KIF24: variants seen among roughly 807,000 people sequenced by gnomAD.
The protein encoded by KIF24 is kinesin-like protein KIF24.
Under a neutral mutation model 118.9 loss-of-function variants are expected in KIF24, and 81 were observed. That is an observed-to-expected ratio of 0.68 (90% CI 0.57 to 0.82). The LOEUF (loss-of-function observed/expected upper bound fraction) is 0.82. Among genes scored for constraint, KIF24 ranks in the 40% least tolerant of loss-of-function variants. The probability of loss-of-function intolerance (pLI) is 0.00; values close to 1 mark genes in which losing one functional copy is unlikely to be tolerated. For missense variants in KIF24, 1,560 were observed against 1,661.6 expected, an observed-to-expected ratio of 0.94 and a Z score of 1.06; for synonymous variants, 599 against 610.0, an observed-to-expected ratio of 0.98 and a Z score of 0.27.
rs756082365 is a variant in KIF24 at position 34,259,748 on chromosome 9, C to T, written c.1516-43G>A. On this transcript the variant is annotated intron_variant, in intron 9 of 12. Coordinates refer to ENST00000402558, the MANE Select transcript of KIF24 (RefSeq NM_194313.4). Reference sequence around the variant, plus strand: ...CAGGTCAATGAGTGAAGTCAATTAACAAAGTGCATACTGACTACTTACTAG... The same window carrying T: ...CAGGTCAATGAGTGAAGTCAATTAATAAAGTGCATACTGACTACTTACTAG... 1.3e-5 allele frequency: 16 copies of T among 1,272,550 alleles called. 1 individual carries two copies. The African/African-American group carries it at 2.3e-4, about 19-fold the overall frequency. The allele number at this position is 1,272,550 out of a possible 1,614,324, so 78.8% of individuals were successfully genotyped here. A position where few individuals can be genotyped will look rare whatever the true frequency, so the allele number is the denominator to read the frequency against.
intron 6 of KIF24, among the ~76,000 whole-genome samples, chr9:34,272,798 A>T (rs949267745): frequency 6.6e-6 from 1 of 152,232 alleles, no homozygotes. Context: ...AATTTTAAAA[A>T]TTTTTTGTAG....
chr9:34,285,760 G>A (rs975373993), intron 6 of KIF24, among the ~76,000 whole-genome samples: 15 of 142,330 alleles, frequency 1.1e-4, no homozygotes, highest in Non-Finnish European at 1.1e-4. Context: ...AGGTGACAAA[G>A]TGAGACTCCA....
chr9:34,327,854 A>AAAT (rs1341561171), intron 1 of KIF24, among the ~76,000 whole-genome samples: 1 of 151,822 alleles, frequency 6.6e-6, no homozygotes, highest in African/African-American at 2.4e-5. Flanking sequence ...AAAAATAATA[A>AAAT]TAATAATAAA....
chr9:34,284,157 A>G (rs1353007277), intron 6 of KIF24, among the ~76,000 whole-genome samples: 1 of 151,876 alleles, frequency 6.6e-6, no homozygotes, highest in East Asian at 1.9e-4. Context: ...GGTCCCAGCT[A>G]CTTGGGAAGC....
Position 34,256,305 on chromosome 9 carries a change from GC to G in KIF24, c.3301del (p.Ala1101GlnfsTer50). On this transcript the variant is annotated frameshift_variant, in exon 11 of 13. Transcript: ENST00000402558. LOFTEE classifies it high-confidence loss of function. ...AGTTGCTGAAGACACTGGCAAGGCT[GC>G]CTCTTGATCACCAGATGGCACTGTG... Reference protein sequence around the residue: ...SHTVPSGDQEAALPVSSATRH... With the variant: ...SHTVPSGDQEXALPVSSATRH... 3.1e-6 allele frequency: 5 copies of G among 1,612,778 alleles called. No individual in the cohort carries two copies. The highest frequency in any genetic ancestry group is 4.2e-6 in the Non-Finnish European group (5 of 1,179,402).
At chr9:34,293,065 T>C (rs10814092) in intron 4 of KIF24, among the ~76,000 whole-genome samples, 72,175 of 152,008 alleles carry the variant, frequency 0.47, 20,088 homozygotes, top group South Asian at 0.64. Context: ...TACTAAGAAA[T>C]TGAACCTAAG....
chr9:34,326,543 A>G (rs950056614), intron 1 of KIF24, among the ~76,000 whole-genome samples: 1 of 152,210 alleles, frequency 6.6e-6, no homozygotes, highest in Non-Finnish European at 1.5e-5. Context: ...TCAGAAGGGA[A>G]TATTTGAGGT....
chr9:34,272,139 G>A (rs939882006), intron 6 of KIF24, among the ~76,000 whole-genome samples: 5 of 152,170 alleles, frequency 3.3e-5, no homozygotes, highest in Non-Finnish European at 7.3e-5. Flanking sequence ...CTAATCCTGT[G>A]GAAGAACATT....
intron 8 of KIF24, among the ~76,000 whole-genome samples, chr9:34,267,174 T>C (rs914692630): frequency 1.7e-4 from 26 of 152,060 alleles, no homozygotes; most frequent in Non-Finnish European, 3.4e-4. Context: ...AATAAAATAA[T>C]AGATATAGAT....
chr9:34,292,418 C>T (rs934213770), intron 4 of KIF24, among the ~76,000 whole-genome samples: 1 of 151,838 alleles, frequency 6.6e-6, no homozygotes, highest in Non-Finnish European at 1.5e-5. Context: ...CCTTTAAATA[C>T]TGAAGCCCTC....
chr9:34,327,639 A>G (rs1837711006), intron 1 of KIF24, among the ~76,000 whole-genome samples: 1 of 152,050 alleles, frequency 6.6e-6, no homozygotes, highest in Non-Finnish European at 1.5e-5. Context: ...TGGAAGGCTG[A>G]GAGTGTGTGG....
At chr9:34,287,058 A>C (rs544516903) in intron 5 of KIF24, among the ~76,000 whole-genome samples, 2 of 152,288 alleles carry the variant, frequency 1.3e-5, no homozygotes, top group East Asian at 1.9e-4. Context: ...TGGTTGTTAG[A>C]TGCCTGGTGA....
In KIF24 at chr9:34,259,608, C is replaced by T. The variant is rs762606475; in HGVS notation, c.1613G>A (p.Arg538His). 4.3e-6 allele frequency: 7 copies of T among 1,613,560 alleles called. No individual in the cohort carries two copies. The highest frequency in any genetic ancestry group is 1.7e-5 in the Admixed American group (1 of 59,980). ...GGAGCTGACTTACCGGTCAGCATAG[C>T]GCAAGGTGTTGAGAGTGTGTTCAGT... is the stretch of plus-strand genomic sequence containing the variant. Reference protein sequence around the residue: ...VATEHTLNTLRYADRVKELKK... With the variant: ...VATEHTLNTLHYADRVKELKK... Residue 538 changes from arginine (R) to histidine (H), a missense_variant, in exon 10 of 13, where the codon CGC (arginine) becomes CAC (histidine). By Grantham distance (29) the Arg-to-His change is conservative (BLOSUM62 0). Transcript: ENST00000402558.
Position 34,255,184 on chromosome 9 carries a change from A to AC in KIF24, c.3873-20dup, listed in dbSNP as rs1834776048. 1 of 1,469,592 alleles carries AC rather than the reference A, an allele frequency of 6.8e-7. No homozygotes were observed. The highest frequency in any genetic ancestry group is 2.4e-5 in the East Asian group (1 of 41,510). 91.0% of individuals were successfully genotyped at this position (1,469,592 alleles called of 1,614,324 possible). A position where few individuals can be genotyped will look rare whatever the true frequency, so the allele number is the denominator to read the frequency against. ...CACCTGCCTGGGAACACCAGAGAGA[A>AC]CACTGTGATCTTCCTGGCCTCCCAG... On this transcript the variant is annotated intron_variant, in intron 11 of 12. Coordinates refer to ENST00000402558, the MANE Select transcript of KIF24 (RefSeq NM_194313.4).
In KIF24 at chr9:34,311,178, G is replaced by A. The variant is rs1406319836; in HGVS notation, c.169C>T (p.Leu57Phe). Residue 57 changes from leucine to phenylalanine, a missense_variant, in exon 2 of 13, where the codon CTT becomes TTT. Around this residue, in one of 3 missense-constraint regions of KIF24, gnomAD observed 964 missense variants for 988.0 expected, o/e 0.98. Transcript: ENST00000402558. ...TGCATAATCTTAATAATTTTGATAA[G>A]TTGGAAGAGACGTTTGCGGTCGTTC... ...DMNDRKRLFQLIKIIKIMQEE... is the reference protein window; with the variant it reads ...DMNDRKRLFQFIKIIKIMQEE... 2.5e-6 allele frequency: 4 copies of A among 1,613,316 alleles called. No individual in the cohort carries two copies. Among genetic ancestry groups the A allele is most frequent in the Non-Finnish European group, 3.4e-6 (4 of 1,179,498 alleles).
At chr9:34,329,992 TTA>T (rs1242892384), upstream of KIF24, among the ~76,000 whole-genome samples, 2 of 152,266 alleles carry the variant, frequency 1.3e-5, no homozygotes, top group Admixed American at 6.5e-5. Flanking sequence ...AAAAGAGATT[TTA>T]TGTTTTCTAA....
chr9:34,314,615 A>G (rs1051085035), intron 1 of KIF24, among the ~76,000 whole-genome samples: 21 of 152,220 alleles, frequency 1.4e-4, no homozygotes, highest in Middle Eastern at 3.2e-3. Context: ...ATTGCATGCC[A>G]CTGATTTATA....
chr9:34,276,769 T>G (rs1051607504), intron 6 of KIF24, among the ~76,000 whole-genome samples: 1 of 152,224 alleles, frequency 6.6e-6, no homozygotes, highest in African/African-American at 2.4e-5. Flanking sequence ...AGAAGACTGC[T>G]AATTTATAAA....
Position 34,310,750 on chromosome 9 carries a change from G to C in KIF24, c.597C>G (p.Asn199Lys). The stretch of plus-strand genomic sequence containing the variant: ...TGATACAAGAATGAGGGATTCCATA[G>C]TTATACCCTGAAACATGAGAGATTC... Reference protein sequence around the residue: ...IQRISHVSGYNYGIPHSCIRQ... With the variant: ...IQRISHVSGYKYGIPHSCIRQ... The change falls in exon 2 of 13, where the codon AAC becomes AAG. Residue 199 changes from asparagine (N) to lysine (K), a missense_variant. Physicochemically the swap from Asn to Lys is moderately conservative, Grantham distance 94. Coordinates refer to ENST00000402558, the MANE Select transcript of KIF24 (RefSeq NM_194313.4). 3.1e-6 allele frequency: 5 copies of C among 1,607,552 alleles called. No homozygotes were observed. Among genetic ancestry groups the C allele is most frequent in the Non-Finnish European group, 4.2e-6 (5 of 1,176,678 alleles).
Sources: gnomAD v4.1 joint callset for allele counts (sites outside exome capture counted in the v4.1 genomes callset) on GRCh38, gnomAD v4.1.1 for gene constraint, gnomAD v4.1.1 regional missense constraint, MANE v1.5 for transcripts, NCBI Gene and HGNC (gene_info 2026-07-23, HGNC 2026-07-21) for gene names.